The following FNDC3B variants were observed in gnomAD, a reference collection of about 807,000 sequenced individuals.
FNDC3B encodes the protein fibronectin type III domain-containing protein 3B.
In FNDC3B, 12 loss-of-function variants were observed where a neutral mutation model predicts 151.5. The observed-to-expected ratio is 0.08, with a 90% CI of 0.05 to 0.13. The LOEUF is 0.13. FNDC3B is among the 10% of genes least tolerant of loss of function. FNDC3B has a pLI of 1.00. For synonymous variants in FNDC3B, 528 were observed against 549.0 expected (o/e 0.96, Z 0.54); for missense variants, 1,214 against 1,505.3 (o/e 0.81, Z 3.20).
chr3:172,199,704 C>T (rs1383540939), intron 3 of FNDC3B, among the ~76,000 whole-genome samples: 1 of 152,048 alleles, frequency 6.6e-6, no homozygotes, highest in East Asian at 1.9e-4. Flanking sequence ...AAACAAAGAC[C>T]CCAAACATTT....
At position 172,365,721 on chromosome 3, in the gene FNDC3B, A is replaced by G. The variant is rs1412885512; in HGVS notation, c.3008+2876A>G. ...TACCATGAACACTTTATAAACAGGC[A>G]TTGTGGGCCTTTGAAAAGAAAGCTG... is the stretch of plus-strand genomic sequence containing the variant. On this transcript the variant is annotated intron_variant, in intron 23 of 25. Coordinates refer to ENST00000415807, the MANE Select transcript of FNDC3B (RefSeq NM_022763.4). Among the ~76,000 whole-genome samples, 3 of 152,244 alleles carry G rather than the reference A, an allele frequency of 2.0e-5. No homozygotes were observed. The East Asian group carries it at 5.8e-4, about 29-fold the overall frequency.
intron 1 of FNDC3B, among the ~76,000 whole-genome samples, chr3:172,051,980 G>A (rs1044505994): frequency 1.3e-5 from 2 of 152,054 alleles, no homozygotes; most frequent in African/African-American, 2.4e-5. Context: ...ATTGGAGTCA[G>A]TTCAAATTAT....
intron 6 of FNDC3B, among the ~76,000 whole-genome samples, chr3:172,281,579 A>T (rs1246463385): frequency 3.3e-5 from 5 of 152,210 alleles, no homozygotes; most frequent in African/African-American, 1.2e-4. Context: ...GTTTGCTTAC[A>T]TGATTTTGTC....
intron 8 of FNDC3B, among the ~76,000 whole-genome samples, chr3:172,298,048 C>A (rs938797099): frequency 6.6e-6 from 1 of 152,146 alleles, no homozygotes; most frequent in Admixed American, 6.5e-5. Flanking sequence ...TCTCTTTAGC[C>A]TTCTTTAATT....
chr3:172,219,412 A>G (rs920032377), intron 3 of FNDC3B, among the ~76,000 whole-genome samples: 15 of 152,144 alleles, frequency 9.9e-5, no homozygotes, highest in African/African-American at 3.1e-4. Flanking sequence ...TAGTAACCCC[A>G]GTTTTACTAC....
At chr3:172,058,343 T>C (rs191833781) in intron 1 of FNDC3B, among the ~76,000 whole-genome samples, 7 of 152,300 alleles carry the variant, frequency 4.6e-5, no homozygotes, top group Admixed American at 3.9e-4. Flanking sequence ...AATGTGAACC[T>C]GTCTTTGTAC....
intron 1 of FNDC3B, among the ~76,000 whole-genome samples, chr3:172,101,377 T>C (rs1409657433): frequency 1.3e-5 from 2 of 152,202 alleles, no homozygotes; most frequent in Admixed American, 6.5e-5. Context: ...GAGTATAACA[T>C]TTCATTGTAA....
chr3:172,068,455 ACT>A (rs1404265467), intron 1 of FNDC3B, among the ~76,000 whole-genome samples: 3 of 122,314 alleles, frequency 2.5e-5, no homozygotes, highest in Non-Finnish European at 3.2e-5. Flanking sequence ...ATGGGGTCTC[ACT>A]CTGTCTCCCA....
intron 3 of FNDC3B, among the ~76,000 whole-genome samples, chr3:172,162,269 G>A (rs1450012336): frequency 6.6e-6 from 1 of 152,082 alleles, no homozygotes; most frequent in African/African-American, 2.4e-5. Context: ...ATGAGCCACC[G>A]CGCCCGGCCT....
intron 7 of FNDC3B, among the ~76,000 whole-genome samples, chr3:172,294,554 C>T (rs921856096): frequency 2.0e-5 from 3 of 152,176 alleles, no homozygotes; most frequent in African/African-American, 4.8e-5. Flanking sequence ...CCCACCAGGC[C>T]CTCCTCCAAG....
chr3:172,189,836 T>G (rs1308145286), intron 3 of FNDC3B, among the ~76,000 whole-genome samples: 1 of 148,026 alleles, frequency 6.8e-6, no homozygotes, highest in African/African-American at 2.5e-5. Flanking sequence ...AAAAAAATCA[T>G]GTCATTCAGT....
chr3:172,225,067 C>T (rs549408483), intron 3 of FNDC3B, among the ~76,000 whole-genome samples: 1 of 152,310 alleles, frequency 6.6e-6, no homozygotes, highest in South Asian at 2.1e-4. Flanking sequence ...TAACTGTTAA[C>T]CTTTGCCATT....
intron 11 of FNDC3B, among the ~76,000 whole-genome samples, chr3:172,325,432 A>ATG (rs1430453075): frequency 1.3e-5 from 2 of 152,220 alleles, no homozygotes; most frequent in Non-Finnish European, 2.9e-5. Context: ...CTGATAAACA[A>ATG]TGATAAACAT....
rs1217446589 is a variant in FNDC3B at position 172,397,954 on chromosome 3, T to G, written c.*479T>G. The G allele has an allele frequency of 6.6e-6, 1 of 152,550 alleles. No individual in the cohort carries two copies. Among genetic ancestry groups the G allele is most frequent in the Non-Finnish European group, 1.5e-5 (1 of 68,260 alleles). The allele number at this position is 152,550 out of a possible 1,614,324, so 9.4% of individuals were successfully genotyped here. ...GTATTACCACACAGCAACAGCAACA[T>G]ACAGAAGATATGTTCACTCAGATAA... On this transcript the variant is annotated 3_prime_UTR_variant, in exon 26 of 26. Coordinates refer to ENST00000415807, the MANE Select transcript of FNDC3B (RefSeq NM_022763.4).
chr3:172,310,624 C>G (rs1049691846), intron 10 of FNDC3B, among the ~76,000 whole-genome samples: 3 of 152,172 alleles, frequency 2.0e-5, no homozygotes, highest in Admixed American at 2.0e-4. Context: ...ATGATTTATT[C>G]ATAGTGGGGA....
chr3:172,210,664 A>G (rs1265577792), intron 3 of FNDC3B, among the ~76,000 whole-genome samples: 1 of 152,116 alleles, frequency 6.6e-6, no homozygotes, highest in Admixed American at 6.5e-5. Flanking sequence ...CAAAATCTGC[A>G]CTTTTGTAGT....
chr3:172,289,991 T>C (rs1399000543), intron 7 of FNDC3B, among the ~76,000 whole-genome samples: 3 of 152,182 alleles, frequency 2.0e-5, no homozygotes, highest in Non-Finnish European at 4.4e-5. Context: ...GTTTGTAGCG[T>C]ATCACTAAGC....
intron 1 of FNDC3B, among the ~76,000 whole-genome samples, chr3:172,086,749 G>T (rs1039815497): frequency 2.0e-5 from 3 of 152,192 alleles, no homozygotes; most frequent in Admixed American, 6.5e-5. Context: ...ATCTTAAAAA[G>T]TTTGTGTGTT....
At chr3:172,255,809 T>C (rs985428348) in intron 6 of FNDC3B, among the ~76,000 whole-genome samples, 3 of 152,182 alleles carry the variant, frequency 2.0e-5, no homozygotes, top group Non-Finnish European at 2.9e-5. Flanking sequence ...CCTCGTCACC[T>C]CGTCCTAGGG....
Sources: allele counts gnomAD v4.1 joint callset (sites outside exome capture counted in the v4.1 genomes callset), GRCh38; gene constraint gnomAD v4.1.1; transcripts MANE v1.5; gene names NCBI Gene and HGNC (gene_info 2026-07-23, HGNC 2026-07-21).